KANK1: variants seen among roughly 807,000 people sequenced by gnomAD.
The protein encoded by KANK1 is KN motif and ankyrin repeat domain-containing protein 1.
A neutral mutation model predicts 106.2 loss-of-function variants in KANK1; 109 were observed. The ratio of observed to expected loss-of-function variants is 1.03; its 90% CI spans 0.88 to 1.20. The LOEUF is 1.20. Among genes scored for constraint, KANK1 ranks in the 50% most tolerant of loss-of-function variants. KANK1 has a pLI of 0.00. For missense variants in KANK1, 2,399 were observed against 1,710.7 expected (o/e 1.40, Z -7.10); for synonymous variants, 873 against 652.2 (o/e 1.34, Z -5.16).
intron 1 of KANK1, among the ~76,000 whole-genome samples, chr9:514,163 C>CT (rs2059164865): frequency 1.3e-5 from 1 of 77,544 alleles, no homozygotes; most frequent in Admixed American, 1.1e-4. Flanking sequence ...TCCCTCCCTT[C>CT]CTCTCTCCCT....
chr9:489,212 T>G (rs1284550968), intron 3 of KANK1: 3 of 152,152 alleles, frequency 2.0e-5, no homozygotes, highest in Non-Finnish European at 4.4e-5. Flanking sequence ...ATAGGCCTGG[T>G]TCCACTCTGA....
At chr9:569,117 C>T (rs927533584) in intron 1 of KANK1, among the ~76,000 whole-genome samples, 1 of 152,244 alleles carries the variant, frequency 6.6e-6, no homozygotes, top group South Asian at 2.1e-4. Context: ...TGACACACTA[C>T]TGTATCCAGC....
At chr9:665,020 C>G (rs956080098) in intron 1 of KANK1, among the ~76,000 whole-genome samples, 1 of 152,096 alleles carries the variant, frequency 6.6e-6, no homozygotes, top group African/African-American at 2.4e-5. Context: ...AGATTAATGA[C>G]TTTTTGCTAT....
At chr9:670,661 C>A (rs1206933750) in intron 1 of KANK1, among the ~76,000 whole-genome samples, 6 of 152,232 alleles carry the variant, frequency 3.9e-5, no homozygotes, top group Admixed American at 3.3e-4. Flanking sequence ...AGTTACAGAG[C>A]GGAGCTTCCA....
rs1816532351 is a variant in KANK1 at position 676,922 on chromosome 9, T to TTGAGAAC, written c.-50_-49insGAGAACT. 1 of 1,525,468 alleles carries TTGAGAAC rather than the reference T, an allele frequency of 6.6e-7. No homozygotes were observed. The highest frequency in any genetic ancestry group is 1.4e-5 in the African/African-American group (1 of 71,938). 94.5% of individuals were successfully genotyped at this position (1,525,468 alleles called of 1,614,324 possible). A position where few individuals can be genotyped will look rare whatever the true frequency, so the allele number is the denominator to read the frequency against. On this transcript the variant is annotated 5_prime_UTR_variant, in exon 2 of 12. Transcript: ENST00000382297. The stretch of plus-strand genomic sequence containing the variant: ...GCCTTTGAGAACTTGATGCATAAAA[T>TTGAGAAC]TTGCATGACTCCTCACTCCTTTCTG...
At chr9:693,816 A>AGGAG in intron 2 of KANK1, 1 of 985,236 alleles carries the variant, frequency 1.0e-6, no homozygotes, top group Non-Finnish European at 1.2e-6. Context: ...AAAGAAAGAG[A>AGGAG]GGAGGAGAGC....
Position 690,314 on chromosome 9 carries a change from G to GAA in KANK1, c.37+13318_37+13319dup, listed in dbSNP as rs58615825. Among the ~76,000 whole-genome samples the GAA allele has an allele frequency of 2.6e-3, 282 of 107,050 alleles. 5 individuals are homozygous for GAA. Among genetic ancestry groups the GAA allele is most frequent in the Admixed American group, 0.021 (236 of 11,148 alleles). The allele number at this position is 107,050 out of a possible 152,430, so 70.2% of individuals were successfully genotyped here. On this transcript the variant is annotated intron_variant, in intron 2 of 11. Coordinates refer to ENST00000382297, the MANE Select transcript of KANK1 (RefSeq NM_015158.5). Reference sequence around the variant, plus strand: ...GAGCGAGACTCTGTCTCAAAAAAAAGAAAAAAAAAAAAAAGGCTACAAGAG... The same window carrying GAA: ...GAGCGAGACTCTGTCTCAAAAAAAAGAAAAAAAAAAAAAAAAGGCTACAAGAG...
At chr9:673,326 C>T (rs1222677310) in intron 1 of KANK1, among the ~76,000 whole-genome samples, 1 of 150,740 alleles carries the variant, frequency 6.6e-6, no homozygotes, top group African/African-American at 2.4e-5. Flanking sequence ...TCTTGTGCCT[C>T]AGCCTCCCAA....
At chr9:471,914 G>A (rs2058028473) in intron 2 of KANK1, among the ~76,000 whole-genome samples, 1 of 152,012 alleles carries the variant, frequency 6.6e-6, no homozygotes, top group African/African-American at 2.4e-5. Context: ...CGGTCACCAG[G>A]GACTGCGGCT....
At chr9:506,083 TA>T (rs1162408106) in intron 1 of KANK1, among the ~76,000 whole-genome samples, 3 of 152,184 alleles carry the variant, frequency 2.0e-5, no homozygotes, top group Non-Finnish European at 4.4e-5. Context: ...AATATATCCG[TA>T]AAGTTATGAA....
At chr9:716,831 A>G (rs879821148) in intron 3 of KANK1, among the ~76,000 whole-genome samples, 7 of 152,166 alleles carry the variant, frequency 4.6e-5, no homozygotes, top group Non-Finnish European at 1.0e-4. Context: ...TTTTTTAATT[A>G]TCTGGTCATG....
chr9:700,690 T>C (rs1271050840), intron 2 of KANK1, among the ~76,000 whole-genome samples: 1 of 152,202 alleles, frequency 6.6e-6, no homozygotes, highest in African/African-American at 2.4e-5. Flanking sequence ...TCATGCTTCA[T>C]GTGAGAGGGG....
At chr9:475,690 A>G (rs2058090584) in intron 3 of KANK1, among the ~76,000 whole-genome samples, 1 of 152,152 alleles carries the variant, frequency 6.6e-6, no homozygotes, top group South Asian at 2.1e-4. Flanking sequence ...ATTTTATCCC[A>G]TAACATGTCT....
At chr9:521,905 A>T (rs1449319790) in intron 1 of KANK1, among the ~76,000 whole-genome samples, 1 of 151,620 alleles carries the variant, frequency 6.6e-6, no homozygotes, top group Non-Finnish European at 1.5e-5. Flanking sequence ...CTATGTCTTC[A>T]GCTTCCATTA....
intron 1 of KANK1, among the ~76,000 whole-genome samples, chr9:572,016 A>G (rs1819306719): frequency 6.6e-6 from 1 of 152,112 alleles, no homozygotes; most frequent in Non-Finnish European, 1.5e-5. Flanking sequence ...CTGCCGTCCA[A>G]CTTTGGAGGT....
At position 730,182 on chromosome 9, in the gene KANK1, C is replaced by A; in HGVS notation, c.2830C>A (p.Pro944Thr). Residue 944 changes from proline (P) to threonine (T), a missense_variant, in exon 4 of 12, where the codon CCC becomes ACC. By Grantham distance (38) the Pro-to-Thr change is conservative. Transcript: ENST00000382297. ...GKPISSLDAF[P>T]TQEGTLSPVN... Reference sequence around the variant, plus strand: ...GCCAATCAGCAGCCTGGATGCCTTCCCCACTCAGGAAGGTACGCTGTCTCC... The same window carrying A: ...GCCAATCAGCAGCCTGGATGCCTTCACCACTCAGGAAGGTACGCTGTCTCC... 1.2e-6 allele frequency: 2 copies of A among 1,614,184 alleles called. No homozygotes were observed. The highest frequency in any genetic ancestry group is 2.2e-5 in the East Asian group (1 of 44,884).
Position 603,958 on chromosome 9 carries a change from CAAAAAAAAA to C in KANK1, c.-83-72922_-83-72914del, listed in dbSNP as rs71314719. ...TGGGTGACAGAGCAAGACTCTGTCT[CAAAAAAAAA>C]AAAAAAAAAGTAAAATTATTTTGGC... On this transcript the variant is annotated intron_variant, in intron 1 of 11. Coordinates refer to ENST00000382297, the MANE Select transcript of KANK1 (RefSeq NM_015158.5). Among the ~76,000 whole-genome samples, 3 of 94,526 alleles carry C rather than the reference CAAAAAAAAA, an allele frequency of 3.2e-5. No homozygotes were observed. In the Admixed American group the frequency reaches 3.8e-4, roughly 12 times the overall value. The allele number at this position is 94,526 out of a possible 152,430, so 62.0% of individuals were successfully genotyped here.
At position 514,148 on chromosome 9, in the gene KANK1, CTCT is replaced by C. The variant is rs1312757704; in HGVS notation, c.-84+9395_-84+9397del. ...TCTCTCTCCCTCCCTCCCTCCCTTCCTCTCTCCCTCCCTTCCTCTCTCCCTCCC... is the reference window on the plus strand; with the variant it reads ...TCTCTCTCCCTCCCTCCCTCCCTTCCCTCCCTCCCTTCCTCTCTCCCTCCC... On this transcript the variant is annotated intron_variant, in intron 1 of 11. Coordinates refer to ENST00000382297, the MANE Select transcript of KANK1 (RefSeq NM_015158.5). Among the ~76,000 whole-genome samples the C allele has an allele frequency of 5.5e-4, 42 of 77,020 alleles. 1 individual carries two copies. Among genetic ancestry groups the C allele is most frequent in the African/African-American group, 3.0e-3 (36 of 11,888 alleles). The allele number at this position is 77,020 out of a possible 152,430, so 50.5% of individuals were successfully genotyped here. A position where few individuals can be genotyped will look rare whatever the true frequency, so the allele number is the denominator to read the frequency against.
chr9:631,665 G>C (rs532735965), intron 1 of KANK1, among the ~76,000 whole-genome samples: 46 of 152,300 alleles, frequency 3.0e-4, no homozygotes, highest in South Asian at 2.9e-3. Context: ...AGTGACTCCT[G>C]CTGCTTCCAA....
Sources: allele counts gnomAD v4.1 joint callset (sites outside exome capture counted in the v4.1 genomes callset), GRCh38; gene constraint gnomAD v4.1.1; transcripts MANE v1.5; gene names NCBI Gene and HGNC (gene_info 2026-07-23, HGNC 2026-07-21).